The following PTGIS variants were observed in gnomAD, a reference collection of about 807,000 sequenced individuals.
PTGIS encodes the protein prostaglandin I2 synthase, also known as prostacyclin synthase.
In PTGIS, 45 loss-of-function variants were observed where a neutral mutation model predicts 50.3. That is an observed-to-expected ratio of 0.90 (90% CI 0.70 to 1.15). The LOEUF (loss-of-function observed/expected upper bound fraction) is 1.15, where lower values mean the gene tolerates loss of function less well. PTGIS is among the 50% of genes most tolerant of loss of function. PTGIS has a pLI of 0.00. For missense variants in PTGIS, 668 were observed against 661.3 expected (o/e 1.01, Z -0.11); for synonymous variants, 260 against 267.7 (o/e 0.97, Z 0.28).
At chr20:49,519,416 A>G (rs555442909) in intron 6 of PTGIS, among the ~76,000 whole-genome samples, 36 of 152,178 alleles carry the variant, frequency 2.4e-4, no homozygotes, top group African/African-American at 8.4e-4. Context: ...TGACAGCAGC[A>G]ATCACAGCTA....
chr20:49,542,543 C>G (rs1982256603), intron 4 of PTGIS, among the ~76,000 whole-genome samples: 1 of 152,224 alleles, frequency 6.6e-6, no homozygotes, highest in South Asian at 2.1e-4. Flanking sequence ...CTGCCTCTCC[C>G]CAGCCTATCT....
intron 5 of PTGIS, among the ~76,000 whole-genome samples, chr20:49,536,478 C>CTTTTTTTTTTTTT (rs761478359): frequency 3.4e-4 from 37 of 108,670 alleles, no homozygotes; most frequent in Non-Finnish European, 4.3e-4. Flanking sequence ...TTCTTTCTTT[C>CTTTTTTTTTTTTT]TTTTTTTTTT....
chr20:49,556,320 C>G (rs1046781326), intron 1 of PTGIS, among the ~76,000 whole-genome samples: 1 of 152,148 alleles, frequency 6.6e-6, no homozygotes, highest in African/African-American at 2.4e-5. Context: ...TATTTTCAGA[C>G]TACTTTGAGA....
At chr20:49,557,876 T>C (rs746382798) in intron 1 of PTGIS, among the ~76,000 whole-genome samples, 7 of 151,984 alleles carry the variant, frequency 4.6e-5, no homozygotes, top group Non-Finnish European at 7.3e-5. Flanking sequence ...GGGATTACCA[T>C]ACCTTCCCTC....
intron 3 of PTGIS, among the ~76,000 whole-genome samples, chr20:49,547,388 G>C (rs892983478): frequency 6.6e-6 from 1 of 152,184 alleles, no homozygotes; most frequent in African/African-American, 2.4e-5. Context: ...TTGTTGTGAA[G>C]ACTAATGAGA....
intron 5 of PTGIS, among the ~76,000 whole-genome samples, chr20:49,530,873 C>T (rs1447262215): frequency 6.6e-6 from 1 of 152,166 alleles, no homozygotes; most frequent in African/African-American, 2.4e-5. Context: ...AATTCTCCTG[C>T]CTCAGCCTCC....
chr20:49,554,318 C>T (rs1982576107), intron 1 of PTGIS, among the ~76,000 whole-genome samples: 2 of 152,188 alleles, frequency 1.3e-5, no homozygotes, highest in African/African-American at 4.8e-5. Flanking sequence ...ACATTCTGTG[C>T]TCCTGGCATT....
intron 3 of PTGIS, among the ~76,000 whole-genome samples, chr20:49,546,952 C>T (rs1304430984): frequency 6.6e-6 from 1 of 152,238 alleles, no homozygotes; most frequent in Non-Finnish European, 1.5e-5. Flanking sequence ...CCATATGTGG[C>T]TGGGCATGGT....
In PTGIS at chr20:49,505,441, A is replaced by G. The variant is rs5602; in HGVS notation, c.*2479T>C. 0.62 allele frequency: 94,558 copies of G among 152,090 alleles called. 31,799 individuals are homozygous for G. Among genetic ancestry groups the G allele is most frequent in the African/African-American group, 0.89 (37,129 of 41,504 alleles). The allele number at this position is 152,090 out of a possible 1,614,324, so 9.4% of individuals were successfully genotyped here. ...AGCTGGAGCTGCCTGGTGGGAGCAC[A>G]TCTTTTCCTTGAGTGTAATTCACTA... On this transcript the variant is annotated 3_prime_UTR_variant, in exon 10 of 10. Coordinates refer to ENST00000244043, the MANE Select transcript of PTGIS (RefSeq NM_000961.4).
At chr20:49,568,006 C>CT in intron 1 of PTGIS, 37 bp downstream of exon 1, 2 of 1,465,634 alleles carry the variant, frequency 1.4e-6, no homozygotes, top group South Asian at 2.6e-5. Context: ...GAGCCGCCCC[C>CT]TTTGTCTGGC....
intron 6 of PTGIS, among the ~76,000 whole-genome samples, chr20:49,519,712 C>T (rs956081881): frequency 2.0e-5 from 3 of 152,066 alleles, no homozygotes; most frequent in Non-Finnish European, 2.9e-5. Flanking sequence ...GCCCAACCCC[C>T]GATCTTCTCC....
At chr20:49,508,242 G>T (rs1981209914) in intron 9 of PTGIS, among the ~76,000 whole-genome samples, 178 bp from the exon 10 acceptor site, 1 of 152,234 alleles carries the variant, frequency 6.6e-6, no homozygotes, top group African/African-American at 2.4e-5. Flanking sequence ...CCAGCCCCCT[G>T]TAAGGTTAGG....
chr20:49,545,292 GC>G (rs1982329194), intron 3 of PTGIS, among the ~76,000 whole-genome samples: 1 of 152,070 alleles, frequency 6.6e-6, no homozygotes, highest in African/African-American at 2.4e-5. Flanking sequence ...TGTAGTAGGT[GC>G]CTGTAGTCCC....
At chr20:49,518,001 G>A (rs867302370) in intron 6 of PTGIS, among the ~76,000 whole-genome samples, 1 of 152,172 alleles carries the variant, frequency 6.6e-6, no homozygotes, top group South Asian at 2.1e-4. Flanking sequence ...CTTGGGAGCT[G>A]TGCTAGAATT....
intron 5 of PTGIS, among the ~76,000 whole-genome samples, chr20:49,536,157 CAT>C (rs2122871104): frequency 6.6e-6 from 1 of 152,280 alleles, no homozygotes; most frequent in East Asian, 1.9e-4. Context: ...GTTGTGAGAA[CAT>C]ACAAAATACC....
At chr20:49,557,757 G>T (rs1004023730) in intron 1 of PTGIS, among the ~76,000 whole-genome samples, 1 of 152,134 alleles carries the variant, frequency 6.6e-6, no homozygotes, top group Non-Finnish European at 1.5e-5. Context: ...TATCTCCATA[G>T]GCAGCTACTC....
intron 5 of PTGIS, among the ~76,000 whole-genome samples, chr20:49,526,720 A>G (rs773928371): frequency 3.3e-5 from 5 of 152,214 alleles, no homozygotes; most frequent in Non-Finnish European, 7.3e-5. Context: ...TGATAAACAC[A>G]TGAAACAATG....
chr20:49,558,693 T>C lies in PTGIS; in HGVS notation c.75-8504A>G, dbSNP rs1982683237. Among the ~76,000 whole-genome samples, 17 of 149,380 alleles carry C rather than the reference T, an allele frequency of 1.1e-4. No homozygotes were observed. In the Admixed American group the frequency reaches 1.2e-3, roughly 10 times the overall value. ...GAGGCTGAGACTTGCTGGGCTGCAA[T>C]CCCAAGAAGAAGTTAGACAATTTTT... On this transcript the variant is annotated intron_variant, in intron 1 of 9. Coordinates refer to ENST00000244043, the MANE Select transcript of PTGIS (RefSeq NM_000961.4).
Position 49,540,588 on chromosome 20 carries a change from G to T in PTGIS, c.522-867C>A, listed in dbSNP as rs1195286721. On this transcript the variant is annotated intron_variant, in intron 4 of 9. Coordinates refer to ENST00000244043, the MANE Select transcript of PTGIS (RefSeq NM_000961.4). This position sits in a 1 kb window ranked among gnomAD's most constrained non-coding sequence, Gnocchi z 4.8. The stretch of plus-strand genomic sequence containing the variant: ...TGGGAGGCCCGAGAAGGAGGTCAGG[G>T]CCTGGTCAAGTGTGAAAAAGGGTAA... 6.6e-6 allele frequency among the ~76,000 whole-genome samples: 1 copy of T among 152,096 alleles called. No individual in the cohort carries two copies. The highest frequency in any genetic ancestry group is 6.5e-5 in the Admixed American group (1 of 15,272).
Sources: gnomAD v4.1 joint callset for allele counts (sites outside exome capture counted in the v4.1 genomes callset) on GRCh38, gnomAD v4.1.1 for gene constraint, Gnocchi (gnomAD v3.1) non-coding constraint, MANE v1.5 for transcripts, NCBI Gene and HGNC (gene_info 2026-07-23, HGNC 2026-07-21) for gene names.